The following AGAP1 variants were observed in gnomAD, a reference collection of about 807,000 sequenced individuals.
The protein encoded by AGAP1 is arf-GAP with GTPase, ANK repeat and PH domain-containing protein 1.
AGAP1 carries 29 observed loss-of-function variants against 105.3 expected under a neutral mutation model. The observed-to-expected ratio is 0.28, with a 90% CI of 0.21 to 0.38. The LOEUF (loss-of-function observed/expected upper bound fraction) is 0.38, where lower values mean the gene tolerates loss of function less well. AGAP1 is among the 10% of genes least tolerant of loss of function. The probability of loss-of-function intolerance (pLI) is 1.00; values close to 1 mark genes in which losing one functional copy is unlikely to be tolerated. For synonymous variants in AGAP1, 509 were observed against 485.9 expected (o/e 1.05, Z -0.63); for missense variants, 998 against 1,165.1 (o/e 0.86, Z 2.09).
At chr2:235,918,146 C>T (rs1426914539) in intron 11 of AGAP1, among the ~76,000 whole-genome samples, 1 of 152,250 alleles carries the variant, frequency 6.6e-6, no homozygotes, top group Non-Finnish European at 1.5e-5. Flanking sequence ...TTGCTTCCCA[C>T]TCATGTCGAC....
At chr2:235,911,802 A>G (rs2051632107) in intron 11 of AGAP1, among the ~76,000 whole-genome samples, 1 of 152,222 alleles carries the variant, frequency 6.6e-6, no homozygotes, top group Non-Finnish European at 1.5e-5. Flanking sequence ...GTGTAACAGG[A>G]CATCTCCGCA....
chr2:235,694,453 TG>T (rs1453991211), intron 1 of AGAP1, among the ~76,000 whole-genome samples: 2 of 136,690 alleles, frequency 1.5e-5, no homozygotes, highest in Non-Finnish European at 3.1e-5. Flanking sequence ...CACTCCAGCC[TG>T]GGCGACAGAG....
intron 1 of AGAP1, among the ~76,000 whole-genome samples, chr2:235,648,104 C>T (rs879881741): frequency 9.2e-5 from 14 of 152,216 alleles, no homozygotes; most frequent in Non-Finnish European, 2.1e-4. Flanking sequence ...TTAGCTTTAG[C>T]TAATTACATT....
intron 10 of AGAP1, among the ~76,000 whole-genome samples, chr2:235,895,329 G>A (rs1417925664): frequency 6.9e-6 from 1 of 144,992 alleles, no homozygotes; most frequent in Non-Finnish European, 1.5e-5. Context: ...CCCTGCTCTT[G>A]CCCCAGCTTG....
chr2:235,702,848 C>T (rs1950320784), intron 1 of AGAP1, among the ~76,000 whole-genome samples: 1 of 151,334 alleles, frequency 6.6e-6, no homozygotes, highest in Admixed American at 6.6e-5. Context: ...TATAAATTGA[C>T]CTGGGATGAA....
chr2:235,806,357 C>G (rs1398963982), intron 8 of AGAP1, among the ~76,000 whole-genome samples: 1 of 152,230 alleles, frequency 6.6e-6, no homozygotes, highest in East Asian at 1.9e-4. Flanking sequence ...AGTCTCCAAT[C>G]TTTCTCTCAT....
rs1480981907 is a variant in AGAP1 at position 236,001,842 on chromosome 2, A to G, written c.1645+33219A>G. ...TGCGTGGTCTCTAATAGGTTATGCC[A>G]GCCCCTCTCGTTGGGCATTGAAATT... On this transcript the variant is annotated intron_variant, in intron 13 of 17. Transcript: ENST00000304032. The surrounding 1 kb of genome is among the most constrained non-coding windows in gnomAD (Gnocchi z 4.7). Among the ~76,000 whole-genome samples, 7 of 152,284 alleles carry G rather than the reference A, an allele frequency of 4.6e-5. No homozygotes were observed. The South Asian group carries it at 1.2e-3, about 27-fold the overall frequency.
rs1944969164 is a variant in AGAP1, at chr2:235,582,558, G to C, written c.163+87709G>C. 6.6e-6 allele frequency among the ~76,000 whole-genome samples: 1 copy of C among 152,152 alleles called. No individual in the cohort carries two copies. Among genetic ancestry groups the C allele is most frequent in the Admixed American group, 6.6e-5 (1 of 15,266 alleles). On this transcript the variant is annotated intron_variant, in intron 1 of 17. Coordinates refer to ENST00000304032, the MANE Select transcript of AGAP1 (RefSeq NM_001037131.3). The surrounding 1 kb of genome is among the most constrained non-coding windows in gnomAD (Gnocchi z 4.7). ...GAGGTTTGGTGCCTTGAGATTAAAG[G>C]GATGCCACATTTTGAGCTTCTCAGA...
At chr2:235,678,638 T>C (rs898312323) in intron 1 of AGAP1, among the ~76,000 whole-genome samples, 2 of 152,152 alleles carry the variant, frequency 1.3e-5, no homozygotes, top group Non-Finnish European at 2.9e-5. Flanking sequence ...ATTTGATTTT[T>C]GTACCTGGTC....
At chr2:235,909,044 C>A in intron 11 of AGAP1, 138 bp downstream of exon 11, 1 of 837,440 alleles carries the variant, frequency 1.2e-6, no homozygotes, top group Non-Finnish European at 1.8e-6. Flanking sequence ...AACCTGATCA[C>A]TTCTGTGGCT....
chr2:235,825,476 C>T (rs1032546167), intron 9 of AGAP1, among the ~76,000 whole-genome samples: 18 of 152,100 alleles, frequency 1.2e-4, no homozygotes, highest in Admixed American at 6.5e-5. Context: ...TTCTATTGCC[C>T]TTCCCGTGAT....
chr2:236,018,975 G>A (rs1391755731), intron 13 of AGAP1, among the ~76,000 whole-genome samples: 1 of 152,184 alleles, frequency 6.6e-6, no homozygotes, highest in Non-Finnish European at 1.5e-5. Flanking sequence ...ACAGCTTCGC[G>A]CCTCAGGCCT....
At position 235,900,426 on chromosome 2, in the gene AGAP1, C is replaced by T. The variant is rs1204778805; in HGVS notation, c.1156-8312C>T. Among the ~76,000 whole-genome samples, 1 of 151,774 alleles carries T rather than the reference C, an allele frequency of 6.6e-6. No homozygotes were observed. Among genetic ancestry groups the T allele is most frequent in the Admixed American group, 6.6e-5 (1 of 15,246 alleles). On this transcript the variant is annotated intron_variant, in intron 10 of 17. Coordinates refer to ENST00000304032, the MANE Select transcript of AGAP1 (RefSeq NM_001037131.3). The surrounding 1 kb of genome is among the most constrained non-coding windows in gnomAD (Gnocchi z 5.5). ...AGCATTTCTCCCTCTGGAACTAAGA[C>T]CCCTAGGCCAGCAGAACGTAATGTT...
chr2:235,495,905 A>G (rs976822339), intron 1 of AGAP1, among the ~76,000 whole-genome samples: 54 of 152,240 alleles, frequency 3.5e-4, no homozygotes, highest in Non-Finnish European at 7.2e-4. Flanking sequence ...TGTCCATAAT[A>G]CAGACTGGCC....
chr2:236,034,455 G>A (rs1490796314), intron 13 of AGAP1, among the ~76,000 whole-genome samples: 6 of 152,178 alleles, frequency 3.9e-5, no homozygotes, highest in African/African-American at 9.6e-5. Flanking sequence ...CACAGGTGGC[G>A]GGGGTGGGGT....
In AGAP1 at chr2:235,741,158, C is replaced by A; in HGVS notation, c.396+110C>A. 1.2e-6 allele frequency: 1 copy of A among 868,246 alleles called. No individual in the cohort carries two copies. The highest frequency in any genetic ancestry group is 1.6e-6 in the Non-Finnish European group (1 of 609,888). The allele number at this position is 868,246 out of a possible 1,614,324, so 53.8% of individuals were successfully genotyped here. On this transcript the variant is annotated intron_variant, in intron 4 of 17. Coordinates refer to ENST00000304032, the MANE Select transcript of AGAP1 (RefSeq NM_001037131.3). The surrounding 1 kb of genome is among the most constrained non-coding windows in gnomAD (Gnocchi z 4.9). ...GACTTGGTTTCCAAAAAAGTGGAAA[C>A]CCCATAAAAAATGTTTCCTCTCACT...
At chr2:235,924,513 G>A (rs949563839) in intron 11 of AGAP1, among the ~76,000 whole-genome samples, 3 of 152,146 alleles carry the variant, frequency 2.0e-5, no homozygotes, top group Non-Finnish European at 2.9e-5. Flanking sequence ...TAGAATAGGC[G>A]GCAGCTTCTG....
rs954868875 is a variant in AGAP1 at position 235,769,497 on chromosome 2, G to T, written c.673+19009G>T. 6.6e-6 allele frequency among the ~76,000 whole-genome samples: 1 copy of T among 152,208 alleles called. No homozygotes were observed. On this transcript the variant is annotated intron_variant, in intron 6 of 17. Transcript: ENST00000304032. The surrounding 1 kb of genome is among the most constrained non-coding windows in gnomAD (Gnocchi z 4.4). ...GTGACAAGCCTCACTCAGGTCTTTG[G>T]TTTCTGTCCTCCTTCCTGGGCAGGC...
At position 235,700,499 on chromosome 2, in the gene AGAP1, A is replaced by G. The variant is rs1454623993; in HGVS notation, c.164-8680A>G. Reference sequence around the variant, plus strand: ...GAGGCACTCAGGAATGCTTTTGAAGAAACTGTAATGAAAATGAGGGCCGGG... The same window carrying G: ...GAGGCACTCAGGAATGCTTTTGAAGGAACTGTAATGAAAATGAGGGCCGGG... On this transcript the variant is annotated intron_variant, in intron 1 of 17. Transcript: ENST00000304032. The surrounding 1 kb of genome is among the most constrained non-coding windows in gnomAD (Gnocchi z 6.1). 6.6e-6 allele frequency among the ~76,000 whole-genome samples: 1 copy of G among 152,098 alleles called. No individual in the cohort carries two copies. Among genetic ancestry groups the G allele is most frequent in the Admixed American group, 6.6e-5 (1 of 15,256 alleles).
Sources: allele counts gnomAD v4.1 joint callset (sites outside exome capture counted in the v4.1 genomes callset), GRCh38; gene constraint gnomAD v4.1.1; non-coding constraint Gnocchi (gnomAD v3.1); transcripts MANE v1.5; gene names NCBI Gene and HGNC (gene_info 2026-07-23, HGNC 2026-07-21).